The following BOLL variants were observed in gnomAD, a reference collection of about 807,000 sequenced individuals.
BOLL encodes the protein boule RNA binding protein.
BOLL carries 23 observed loss-of-function variants against 44.4 expected under a neutral mutation model. The observed-to-expected ratio is 0.52, with a 90% CI of 0.37 to 0.73. The LOEUF is 0.73. Among genes scored for constraint, BOLL ranks in the 30% least tolerant of loss-of-function variants. The probability of loss-of-function intolerance (pLI) is 0.00; values close to 1 mark genes in which losing one functional copy is unlikely to be tolerated. For synonymous variants in BOLL, 97 were observed against 110.8 expected, an observed-to-expected ratio of 0.88 and a Z score of 0.78; for missense variants, 287 against 338.3, an observed-to-expected ratio of 0.85 and a Z score of 1.19.
chr2:197,785,974 C>T (rs1388344173), upstream of BOLL: 2 of 1,603,686 alleles, frequency 1.2e-6, no homozygotes, highest in East Asian at 2.2e-5. The surrounding 1 kb of genome is among the most constrained non-coding windows in gnomAD (Gnocchi z 6.7). Flanking sequence ...CCCTGATCGC[C>T]GTACTCACCG....
intron 6 of BOLL, among the ~76,000 whole-genome samples, chr2:197,769,867 G>A (rs1689158860): frequency 6.6e-6 from 1 of 151,982 alleles, no homozygotes; most frequent in African/African-American, 2.4e-5. Context: ...AAACAAATGG[G>A]AGAACATTCC....
At chr2:197,752,262 T>G (rs1341084281) in intron 9 of BOLL, among the ~76,000 whole-genome samples, 2 of 152,144 alleles carry the variant, frequency 1.3e-5, no homozygotes, top group African/African-American at 4.8e-5. Flanking sequence ...CCTTCTCTCA[T>G]CACTCCTATT....
rs113312672 is a variant in BOLL at position 197,767,066 on chromosome 2, C to T, written c.481-463G>A. Among the ~76,000 whole-genome samples the T allele has an allele frequency of 6.1e-3, 924 of 151,934 alleles. 16 individuals carry two copies. Among genetic ancestry groups the T allele is most frequent in the African/African-American group, 0.021 (865 of 41,474 alleles). ...ATCAATGTTCTATTCCTTTGTTATA[C>T]CTATAATTAAAGCAAAGATATTTTA... is the stretch of plus-strand genomic sequence containing the variant. On this transcript the variant is annotated intron_variant, in intron 6 of 10. Transcript: ENST00000392296.
intron 2 of BOLL, 69 bp from the exon 3 acceptor site, chr2:197,779,135 G>T (rs1689652982): frequency 4.2e-6 from 5 of 1,188,458 alleles, no homozygotes; most frequent in African/African-American, 3.1e-5. Flanking sequence ...TCTCATGCTT[G>T]CTCTGGAGAC....
At position 197,777,117 on chromosome 2, in the gene BOLL, A is replaced by T. The variant is rs1223688298; in HGVS notation, c.222-4T>A. The T allele has an allele frequency of 4.6e-6, 7 of 1,516,052 alleles. No individual in the cohort carries two copies. Among genetic ancestry groups the T allele is most frequent in the Non-Finnish European group, 6.3e-6 (7 of 1,107,508 alleles). 93.9% of individuals were successfully genotyped at this position (1,516,052 alleles called of 1,614,324 possible). On this transcript the variant is annotated splice_region_variant and splice_polypyrimidine_tract_variant and intron_variant, in intron 3 of 10. Transcript: ENST00000392296. ...TTCAAAAGTGACGAAACCATACCTA[A>T]ATAAATGCATTAATTATTACTAATT...
chr2:197,757,147 C>CA (rs1688552883), intron 8 of BOLL, among the ~76,000 whole-genome samples: 1 of 151,926 alleles, frequency 6.6e-6, no homozygotes, highest in Non-Finnish European at 1.5e-5. Context: ...TTGATATTCA[C>CA]AAAAATCATG....
At chr2:197,761,182 T>C (rs1688739599) in intron 7 of BOLL, among the ~76,000 whole-genome samples, 1 of 152,062 alleles carries the variant, frequency 6.6e-6, no homozygotes, top group South Asian at 2.1e-4. Context: ...GCAGGGCACA[T>C]GCCTGTAGTC....
chr2:197,781,703 T>C lies in BOLL; in HGVS notation c.129+19A>G, dbSNP rs1163234109. 1.3e-6 allele frequency: 2 copies of C among 1,504,748 alleles called. No homozygotes were observed. Among genetic ancestry groups the C allele is most frequent in the East Asian group, 4.6e-5 (2 of 43,586 alleles). The allele number at this position is 1,504,748 out of a possible 1,614,324, so 93.2% of individuals were successfully genotyped here. A position where few individuals can be genotyped will look rare whatever the true frequency, so the allele number is the denominator to read the frequency against. ...CTTCTAATGAAAAAATACACTTTAC[T>C]GCATGCATAAATAGGTACCTTAAAA... On this transcript the variant is annotated intron_variant, in intron 2 of 10. Coordinates refer to ENST00000392296, the MANE Select transcript of BOLL (RefSeq NM_033030.6).
At chr2:197,780,443 G>A (rs1222826393) in intron 2 of BOLL, among the ~76,000 whole-genome samples, 1 of 151,916 alleles carries the variant, frequency 6.6e-6, no homozygotes, top group African/African-American at 2.4e-5. Flanking sequence ...AAATAACCTG[G>A]CCATACAAAT....
At chr2:197,758,017 G>A (rs1399612660) in intron 7 of BOLL, among the ~76,000 whole-genome samples, 3 of 152,098 alleles carry the variant, frequency 2.0e-5, no homozygotes, top group African/African-American at 7.2e-5. Context: ...AAATGTTGAC[G>A]GGCACGTGGA....
intron 10 of BOLL, among the ~76,000 whole-genome samples, chr2:197,735,821 T>G (rs1285975056): frequency 6.6e-6 from 1 of 152,198 alleles, no homozygotes; most frequent in Non-Finnish European, 1.5e-5. Context: ...GATATTTTCT[T>G]CTGCTCCCTG....
In BOLL at chr2:197,777,053, T is replaced by A. The variant is rs1161619782; in HGVS notation, c.276+6A>T. The A allele has an allele frequency of 6.4e-7, 1 of 1,568,042 alleles. No individual in the cohort carries two copies. The highest frequency in any genetic ancestry group is 1.4e-5 in the African/African-American group (1 of 73,618). ...AAATGAAGTTAAATACACCAAAAGA[T>A]CATACCTCTTGTAAAATTTTTTGTG... On this transcript the variant is annotated splice_donor_region_variant and intron_variant, in intron 4 of 10. Transcript: ENST00000392296.
At chr2:197,741,071 C>A (rs558500346) in intron 10 of BOLL, among the ~76,000 whole-genome samples, 6 of 152,210 alleles carry the variant, frequency 3.9e-5, no homozygotes, top group South Asian at 4.1e-4. Flanking sequence ...TTACCTTGGG[C>A]AGTATGGCCA....
At chr2:197,760,404 C>A (rs1574842898) in intron 7 of BOLL, among the ~76,000 whole-genome samples, 2 of 152,114 alleles carry the variant, frequency 1.3e-5, no homozygotes, top group East Asian at 3.9e-4. Flanking sequence ...AGCAGATGCA[C>A]CCCCAGGCCA....
intron 10 of BOLL, among the ~76,000 whole-genome samples, chr2:197,731,135 GA>G (rs914980040): frequency 2.6e-5 from 4 of 151,758 alleles, no homozygotes; most frequent in Non-Finnish European, 4.4e-5. Flanking sequence ...CAAGCCAATG[GA>G]AAACAAAAAA....
intron 10 of BOLL, among the ~76,000 whole-genome samples, chr2:197,740,368 T>C (rs867953281): frequency 2.6e-5 from 4 of 152,166 alleles, no homozygotes; most frequent in African/African-American, 4.8e-5. Context: ...CAACAGTTGA[T>C]CAGTCTGTGG....
chr2:197,784,434 A>G (rs1434667753), intron 1 of BOLL, among the ~76,000 whole-genome samples: 1 of 76,378 alleles, frequency 1.3e-5, no homozygotes, highest in Non-Finnish European at 2.8e-5. Flanking sequence ...ATATATATAT[A>G]TATATATATA....
At chr2:197,783,845 T>G (rs1689909310) in intron 1 of BOLL, among the ~76,000 whole-genome samples, 1 of 152,234 alleles carries the variant, frequency 6.6e-6, no homozygotes, top group Non-Finnish European at 1.5e-5. Flanking sequence ...TCTGCCCATT[T>G]GTTTACAGTG....
chr2:197,759,019 A>T (rs1370583557), intron 7 of BOLL: 1 of 1,534,902 alleles, frequency 6.5e-7, no homozygotes, highest in Non-Finnish European at 8.7e-7. Context: ...TCGTAAAAAA[A>T]GAGAGGCATG....
Sources: gnomAD v4.1 joint callset for allele counts (sites outside exome capture counted in the v4.1 genomes callset) on GRCh38, gnomAD v4.1.1 for gene constraint, Gnocchi (gnomAD v3.1) non-coding constraint, MANE v1.5 for transcripts, NCBI Gene and HGNC (gene_info 2026-07-23, HGNC 2026-07-21) for gene names.